PRKN: variants seen among roughly 807,000 people sequenced by gnomAD.
PRKN encodes parkin RBR E3 ubiquitin protein ligase.
PRKN carries 56 observed loss-of-function variants against 59.5 expected under a neutral mutation model. The observed-to-expected ratio is 0.94, with a 90% confidence interval of 0.76 to 1.18. The LOEUF (loss-of-function observed/expected upper bound fraction) is 1.18, where lower values mean the gene tolerates loss of function less well. Ranked by LOEUF, PRKN falls within the 50% of genes most tolerant of loss-of-function variation. The pLI, the probability that PRKN is intolerant of heterozygous loss-of-function variation, is 0.00. For missense variants in PRKN, 657 were observed against 596.4 expected (o/e 1.10, Z -1.06); for synonymous variants, 250 against 222.1 (o/e 1.13, Z -1.12).
chr6:161,555,834 C>G (rs924285089), intron 8 of PRKN, among the ~76,000 whole-genome samples: 28 of 152,294 alleles, frequency 1.8e-4, no homozygotes, highest in African/African-American at 4.6e-4. Context: ...TAAAATCTAA[C>G]TCCATTAAGT....
intron 4 of PRKN, among the ~76,000 whole-genome samples, chr6:162,082,388 A>G (rs1779092569): frequency 1.3e-5 from 2 of 152,050 alleles, no homozygotes; most frequent in African/African-American, 4.8e-5. Flanking sequence ...TTTATCAGCA[A>G]CGTGAGAACA....
chr6:162,668,949 A>G (rs899802567), intron 1 of PRKN, among the ~76,000 whole-genome samples: 3 of 152,092 alleles, frequency 2.0e-5, no homozygotes, highest in African/African-American at 7.2e-5. Context: ...TTGACTTACA[A>G]TCATGGTTTC....
At chr6:161,946,414 ACTCTCTCTCTCTCTCT>A (rs61537965) in intron 6 of PRKN, among the ~76,000 whole-genome samples, 25 of 114,444 alleles carry the variant, frequency 2.2e-4, no homozygotes, top group South Asian at 7.1e-4. Flanking sequence ...ACACACACAC[ACTCTCTCTCTCTCTCT>A]CTCTCTCTCT....
chr6:161,687,745 C>A, intron 7 of PRKN, among the ~76,000 whole-genome samples: 1 of 151,982 alleles, frequency 6.6e-6, no homozygotes. Flanking sequence ...TTTGAGCCAC[C>A]GCGCCGGGCC....
intron 5 of PRKN, among the ~76,000 whole-genome samples, chr6:162,026,852 C>T (rs747326127): frequency 1.3e-5 from 2 of 152,098 alleles, no homozygotes; most frequent in African/African-American, 2.4e-5. Context: ...AGTCATGTTG[C>T]TTAATAGCTT....
intron 7 of PRKN, among the ~76,000 whole-genome samples, chr6:161,758,598 G>A (rs187051418): frequency 6.6e-6 from 1 of 152,248 alleles, no homozygotes; most frequent in African/African-American, 2.4e-5. Flanking sequence ...TTGTTTTACT[G>A]GCATATACGT....
chr6:161,942,988 T>G (rs906632063), intron 6 of PRKN, among the ~76,000 whole-genome samples: 3 of 152,238 alleles, frequency 2.0e-5, no homozygotes, highest in East Asian at 3.9e-4. Flanking sequence ...AAATCTTTAT[T>G]CTTATCTGGG....
At chr6:162,298,270 CTCTA>C (rs1428905628) in intron 2 of PRKN, among the ~76,000 whole-genome samples, 7 of 152,018 alleles carry the variant, frequency 4.6e-5, no homozygotes, top group Admixed American at 2.6e-4. Flanking sequence ...GACTGCAACC[CTCTA>C]GGATTTACCA....
chr6:162,418,076 T>C (rs1204158478), intron 2 of PRKN, among the ~76,000 whole-genome samples: 1 of 152,192 alleles, frequency 6.6e-6, no homozygotes, highest in African/African-American at 2.4e-5. Flanking sequence ...GGTAGCATCA[T>C]TCACGATACT....
At chr6:162,369,873 T>C (rs1785653132) in intron 2 of PRKN, among the ~76,000 whole-genome samples, 1 of 152,162 alleles carries the variant, frequency 6.6e-6, no homozygotes, top group Non-Finnish European at 1.5e-5. Flanking sequence ...CCTGAAGGTA[T>C]CCTGCCTCAA....
chr6:162,589,129 G>A (rs1781195432), intron 1 of PRKN, among the ~76,000 whole-genome samples: 1 of 152,132 alleles, frequency 6.6e-6, no homozygotes, highest in Non-Finnish European at 1.5e-5. Context: ...CTGTATGACT[G>A]TGATGTTTTA....
chr6:161,670,689 GC>G (rs1406654454), intron 7 of PRKN, among the ~76,000 whole-genome samples: 1 of 152,110 alleles, frequency 6.6e-6, no homozygotes, highest in African/African-American at 2.4e-5. Context: ...GGTGGCGGGT[GC>G]CTGTTGTCCC....
At chr6:162,245,732 T>C (rs1779168614) in intron 3 of PRKN, among the ~76,000 whole-genome samples, 2 of 152,106 alleles carry the variant, frequency 1.3e-5, no homozygotes, top group Admixed American at 1.3e-4. Flanking sequence ...TTTGTGTGTT[T>C]GGTTTTGCTT....
chr6:162,572,930 G>A (rs1249347488), intron 1 of PRKN, among the ~76,000 whole-genome samples: 1 of 152,048 alleles, frequency 6.6e-6, no homozygotes, highest in African/African-American at 2.4e-5. Flanking sequence ...TTTAATATCT[G>A]TGTGTCACCC....
chr6:161,846,736 A>G (rs1793213566), intron 6 of PRKN, among the ~76,000 whole-genome samples: 1 of 152,196 alleles, frequency 6.6e-6, no homozygotes, highest in Non-Finnish European at 1.5e-5. Flanking sequence ...ACCTTACCAA[A>G]TTCCATCATG....
intron 8 of PRKN, among the ~76,000 whole-genome samples, chr6:161,564,814 C>T (rs910560196): frequency 2.6e-5 from 4 of 152,154 alleles, no homozygotes; most frequent in Admixed American, 1.3e-4. Context: ...CCCAACTCTC[C>T]GACTTCCCAA....
At chr6:162,390,662 C>T (rs544231039) in intron 2 of PRKN, among the ~76,000 whole-genome samples, 28 of 152,018 alleles carry the variant, frequency 1.8e-4, no homozygotes, top group African/African-American at 6.5e-4. Flanking sequence ...AGGCTGATCT[C>T]GAACTCCTGA....
intron 4 of PRKN, among the ~76,000 whole-genome samples, chr6:162,127,351 A>C (rs1194394548): frequency 6.6e-6 from 1 of 152,244 alleles, no homozygotes; most frequent in Non-Finnish European, 1.5e-5. Flanking sequence ...AATGCTTTTC[A>C]TTGCTGTCTA....
intron 7 of PRKN, among the ~76,000 whole-genome samples, chr6:161,570,574 T>G (rs1780850620): frequency 1.3e-5 from 2 of 151,988 alleles, no homozygotes; most frequent in African/African-American, 4.8e-5. Context: ...CTGCTTTCAC[T>G]TAATGGATAG....
Sources: gnomAD v4.1 joint callset for allele counts (sites outside exome capture counted in the v4.1 genomes callset) on GRCh38, gnomAD v4.1.1 for gene constraint, MANE v1.5 for transcripts, NCBI Gene and HGNC (gene_info 2026-07-23, HGNC 2026-07-21) for gene names.